The following TNFRSF11A variants were observed in gnomAD, a reference collection of about 807,000 sequenced individuals.
The protein encoded by TNFRSF11A is TNF receptor superfamily member 11a.
Under a neutral mutation model 55.7 loss-of-function variants are expected in TNFRSF11A, and 32 were observed. That is an observed-to-expected ratio of 0.57 (90% confidence interval 0.43 to 0.77). The LOEUF is 0.77. TNFRSF11A is among the 30% of genes least tolerant of loss of function. TNFRSF11A has a pLI of 0.00. For missense variants in TNFRSF11A, 753 were observed against 809.8 expected (o/e 0.93, Z 0.85); for synonymous variants, 311 against 331.0 (o/e 0.94, Z 0.65).
In TNFRSF11A at chr18:62,384,815, C is replaced by A. The variant is rs766202312; in HGVS notation, c.1632C>A (p.Gly544=). Residue 544 remains glycine, a synonymous_variant, in exon 10 of 10, where the codon GGC becomes GGA. Transcript: ENST00000586569. The part of the protein sequence containing the change: ...ISSGQVMNFK[G]DIIVVYVSQT... ...GCGGGCAGGTGATGAACTTCAAGGG[C>A]GACATCATCGTGGTCTACGTCAGCC... 1 of 1,612,450 alleles carries A rather than the reference C, an allele frequency of 6.2e-7. No homozygotes were observed. Among genetic ancestry groups the A allele is most frequent in the Non-Finnish European group, 8.5e-7 (1 of 1,179,410 alleles).
Position 62,369,760 on chromosome 18 carries a change from G to A in TNFRSF11A, c.1567+276G>A, listed in dbSNP as rs145977610. Among the ~76,000 whole-genome samples, 46 of 152,278 alleles carry A rather than the reference G, an allele frequency of 3.0e-4. No homozygotes were observed. In the East Asian group the frequency reaches 8.7e-3, roughly 29 times the overall value. ...ACCCTTTTGCATTCAGGCTTTTCAT[G>A]ATAGGATTAGACCTCAAGCCCCAGC... On this transcript the variant is annotated intron_variant, in intron 9 of 9. Coordinates refer to ENST00000586569, the MANE Select transcript of TNFRSF11A (RefSeq NM_003839.4).
intron 3 of TNFRSF11A, among the ~76,000 whole-genome samples, chr18:62,351,194 G>C (rs2046466247): frequency 6.6e-6 from 1 of 151,816 alleles, no homozygotes. Context: ...GTAGGGCTGA[G>C]GTTTCACCGT....
intron 1 of TNFRSF11A, among the ~76,000 whole-genome samples, chr18:62,344,621 G>A (rs946592791): frequency 1.3e-5 from 2 of 152,246 alleles, no homozygotes; most frequent in African/African-American, 2.4e-5. Flanking sequence ...TGGTCTTGGA[G>A]GATAGAGTCT....
intron 1 of TNFRSF11A, among the ~76,000 whole-genome samples, chr18:62,331,779 G>A (rs573561556): frequency 1.1e-4 from 17 of 152,338 alleles, no homozygotes; most frequent in Admixed American, 2.6e-4. Context: ...TTGCTTGCAT[G>A]ATACACATTT....
chr18:62,379,694 A>C (rs1169981593), intron 9 of TNFRSF11A, among the ~76,000 whole-genome samples: 1 of 152,184 alleles, frequency 6.6e-6, no homozygotes, highest in East Asian at 1.9e-4. Context: ...AATTGTAGGT[A>C]AAGCATTCAA....
intron 1 of TNFRSF11A, among the ~76,000 whole-genome samples, chr18:62,335,712 C>G (rs2046222930): frequency 6.6e-6 from 1 of 152,186 alleles, no homozygotes. Flanking sequence ...TTTTGCAACC[C>G]TCTTCCCTCA....
rs565001662 is a variant in TNFRSF11A at position 62,333,717 on chromosome 18, A to T, written c.75+8290A>T. 3.9e-5 allele frequency among the ~76,000 whole-genome samples: 6 copies of T among 152,236 alleles called. No individual in the cohort carries two copies. The South Asian group carries it at 1.2e-3, about 32-fold the overall frequency. On this transcript the variant is annotated intron_variant, in intron 1 of 9. Coordinates refer to ENST00000586569, the MANE Select transcript of TNFRSF11A (RefSeq NM_003839.4). ...AACTGCTTGTATAGTCAACTCTGTG[A>T]TGGGGTAGGGAGTAGAGAAAGGGAC...
intron 3 of TNFRSF11A, 82 bp from the exon 4 acceptor site, chr18:62,354,309 A>C: frequency 1.4e-6 from 2 of 1,454,056 alleles, no homozygotes; most frequent in Admixed American, 4.6e-5. Context: ...TCTGGGCTGG[A>C]TGTTGGATAG....
In TNFRSF11A at chr18:62,358,306, C is replaced by G; in HGVS notation, c.486C>G (p.Ala162=). 6.2e-7 allele frequency: 1 copy of G among 1,613,224 alleles called. No individual in the cohort carries two copies. Among genetic ancestry groups the G allele is most frequent in the Non-Finnish European group, 8.5e-7 (1 of 1,179,720 alleles). Residue 162 remains alanine, a synonymous_variant, in exon 5 of 10, where the codon GCC becomes GCG. Coordinates refer to ENST00000586569, the MANE Select transcript of TNFRSF11A (RefSeq NM_003839.4). ...GCCTTGCAGGCTACTTCTCTGATGCCTTTTCCTCCACGGACAAATGCAGAC... is the reference window on the plus strand; with the variant it reads ...GCCTTGCAGGCTACTTCTCTGATGCGTTTTCCTCCACGGACAAATGCAGAC... ...KPCLAGYFSD[A]FSSTDKCRPW... is the part of the protein sequence containing the mutation.
At chr18:62,367,914 CT>C (rs1438843909) in intron 8 of TNFRSF11A, among the ~76,000 whole-genome samples, 1 of 151,214 alleles carries the variant, frequency 6.6e-6, no homozygotes, top group Non-Finnish European at 1.5e-5. Context: ...CTGCCTCAGC[CT>C]CCTGAGTATC....
intron 6 of TNFRSF11A, 99 bp from the exon 7 acceptor site, chr18:62,361,581 C>T: frequency 8.2e-7 from 1 of 1,221,398 alleles, no homozygotes; most frequent in Non-Finnish European, 1.2e-6. Context: ...CCCAGACCAA[C>T]ATTTTTGATT....
At position 62,354,479 on chromosome 18, in the gene TNFRSF11A, C is replaced by A. The variant is rs1192181862; in HGVS notation, c.372C>A (p.Cys124Ter). 3.7e-6 allele frequency: 6 copies of A among 1,601,574 alleles called. No individual in the cohort carries two copies. Among genetic ancestry groups the A allele is most frequent in the Non-Finnish European group, 5.1e-6 (6 of 1,179,188 alleles). The part of the protein sequence containing the change: ...CTAGYHWSQD[C>*]ECCRRNTECA... ...CTGGGTACCACTGGAGCCAGGACTG[C>A]GAGTGCTGCCGCCGCAACACCGAGT... The change falls in exon 4 of 10, where the codon TGC becomes TGA. Residue 124 changes from cysteine to a stop codon, truncating the protein, a stop_gained. Transcript: ENST00000586569. LOFTEE classifies it high-confidence loss of function.
chr18:62,336,127 T>G (rs1201618648), intron 1 of TNFRSF11A, among the ~76,000 whole-genome samples: 1 of 152,186 alleles, frequency 6.6e-6, no homozygotes, highest in Non-Finnish European at 1.5e-5. Context: ...ATGTCTATTG[T>G]ACAGTCAGAG....
At chr18:62,361,659 T>A in intron 6 of TNFRSF11A, 21 bp from the exon 7 acceptor site, 1 of 1,591,340 alleles carries the variant, frequency 6.3e-7, no homozygotes, top group Non-Finnish European at 8.6e-7. Flanking sequence ...CTACCATATT[T>A]CTCATTTTCT....
rs944525209 is a variant in TNFRSF11A at position 62,389,162 on chromosome 18, A to G, written c.*4128A>G. 6.6e-6 allele frequency: 1 copy of G among 152,302 alleles called. No individual in the cohort carries two copies. The highest frequency in any genetic ancestry group is 2.4e-5 in the African/African-American group (1 of 41,418). 9.4% of individuals were successfully genotyped at this position (152,302 alleles called of 1,614,324 possible). ...GTGGCAGGGCCCTGAGCACCTGGGA[A>G]AGGAGATGAGGAGCGCTGGAGGGTT... On this transcript the variant is annotated 3_prime_UTR_variant, in exon 10 of 10. Coordinates refer to ENST00000586569, the MANE Select transcript of TNFRSF11A (RefSeq NM_003839.4).
chr18:62,375,117 T>C (rs1910804532), intron 9 of TNFRSF11A, among the ~76,000 whole-genome samples: 1 of 151,090 alleles, frequency 6.6e-6, no homozygotes, highest in Non-Finnish European at 1.5e-5. Flanking sequence ...AGTTTCGTCA[T>C]GCTGCCCAGG....
chr18:62,341,440 G>T (rs1470300023), intron 1 of TNFRSF11A, among the ~76,000 whole-genome samples: 2 of 152,220 alleles, frequency 1.3e-5, no homozygotes, highest in Non-Finnish European at 1.5e-5. Context: ...CAGGCCTTGA[G>T]AACTTGTCTC....
At chr18:62,377,070 T>G (rs954234101) in intron 9 of TNFRSF11A, among the ~76,000 whole-genome samples, 1 of 152,108 alleles carries the variant, frequency 6.6e-6, no homozygotes, top group African/African-American at 2.4e-5. Context: ...CCTGCCACCA[T>G]GCCCAGCAAA....
chr18:62,370,412 G>A (rs1337297537), intron 9 of TNFRSF11A, among the ~76,000 whole-genome samples: 1 of 152,152 alleles, frequency 6.6e-6, no homozygotes, highest in African/African-American at 2.4e-5. Context: ...TTTTTAAAAG[G>A]CCCATTCATA....
Sources: allele counts gnomAD v4.1 joint callset (sites outside exome capture counted in the v4.1 genomes callset), GRCh38; gene constraint gnomAD v4.1.1; transcripts MANE v1.5; gene names NCBI Gene and HGNC (gene_info 2026-07-23, HGNC 2026-07-21).